The following GLIS3 variants were observed in gnomAD, a reference collection of about 807,000 sequenced individuals.
The protein encoded by GLIS3 is zinc finger protein GLIS3.
In GLIS3, 53 loss-of-function variants were observed where a neutral mutation model predicts 78.6. The ratio of observed to expected loss-of-function variants is 0.67; its 90% confidence interval spans 0.54 to 0.85. GLIS3 has a LOEUF of 0.85. Among genes scored for constraint, GLIS3 ranks in the 40% least tolerant of loss-of-function variants. GLIS3 has a pLI of 0.00. For synonymous variants in GLIS3, 684 were observed against 509.9 expected, an observed-to-expected ratio of 1.34 and a Z score of -4.60; for missense variants, 1,703 against 1,231.1, an observed-to-expected ratio of 1.38 and a Z score of -5.74.
chr9:4,406,624 A>G, the GLIS3 span, among the ~76,000 whole-genome samples: 6 of 152,202 alleles, frequency 3.9e-5, no homozygotes, highest in African/African-American at 1.4e-4. Flanking sequence ...AAAATCAACA[A>G]ACAAAAACCA....
At chr9:4,308,251 G>A (rs1817279396) in intron 4 of GLIS3, among the ~76,000 whole-genome samples, 1 of 152,120 alleles carries the variant, frequency 6.6e-6, no homozygotes, top group Non-Finnish European at 1.5e-5. Flanking sequence ...CCATGAACTG[G>A]AAGGAACAGG....
intron 4 of GLIS3, among the ~76,000 whole-genome samples, chr9:4,061,785 C>T (rs1034780197): frequency 1.3e-5 from 2 of 152,168 alleles, no homozygotes; most frequent in Non-Finnish European, 2.9e-5. Context: ...TTTCTGCAAG[C>T]TTGTACTGCA....
At chr9:3,981,054 C>G (rs1819239292) in intron 4 of GLIS3, among the ~76,000 whole-genome samples, 1 of 152,176 alleles carries the variant, frequency 6.6e-6, no homozygotes, top group African/African-American at 2.4e-5. Flanking sequence ...ACTCGGGCAG[C>G]AGCCAAGAAC....
In GLIS3 at chr9:4,118,080, C is replaced by T. The variant is rs759081727; in HGVS notation, c.1398G>A (p.Ala466=). Residue 466 remains alanine, a synonymous_variant, in exon 4 of 11, where the codon GCG becomes GCA. Transcript: ENST00000381971. This position sits in a 1 kb window ranked among gnomAD's most constrained non-coding sequence, Gnocchi z 4.7. ...GCCCGAGCTCCGGGTGGTGAAGGTG[C>T]GCATGGGCATGGTAAGGGGGTGGGG... The part of the protein sequence containing the change: ...PGPPPPYHAH[A]HLHHPELGPH... 1.3e-6 allele frequency: 2 copies of T among 1,546,312 alleles called. No individual in the cohort carries two copies. Among genetic ancestry groups the T allele is most frequent in the African/African-American group, 1.4e-5 (1 of 72,282 alleles).
chr9:3,920,116 G>A (rs1261269094), intron 6 of GLIS3, among the ~76,000 whole-genome samples: 7 of 146,154 alleles, frequency 4.8e-5, no homozygotes, highest in African/African-American at 1.3e-4. Flanking sequence ...CCATTCTCCC[G>A]CCTCAGCCTC....
chr9:4,178,082 C>T (rs1215025549), intron 2 of GLIS3, among the ~76,000 whole-genome samples: 1 of 152,172 alleles, frequency 6.6e-6, no homozygotes, highest in East Asian at 1.9e-4. Context: ...CCCCACATTT[C>T]AGAACATCTT....
At chr9:4,453,377 A>G in the GLIS3 span, among the ~76,000 whole-genome samples, 15 of 150,560 alleles carry the variant, frequency 1.0e-4, no homozygotes, top group African/African-American at 3.6e-4. Context: ...AAAAACTACC[A>G]TCAGAATGAA....
At chr9:3,852,461 C>G (rs937347336) in intron 9 of GLIS3, among the ~76,000 whole-genome samples, 1 of 152,128 alleles carries the variant, frequency 6.6e-6, no homozygotes, top group Non-Finnish European at 1.5e-5. Context: ...TGACGGTGTT[C>G]CCTGTTACCA....
intron 4 of GLIS3, among the ~76,000 whole-genome samples, chr9:3,996,358 G>A (rs73388239): frequency 7.7e-4 from 118 of 152,292 alleles, no homozygotes; most frequent in African/African-American, 2.7e-3. Flanking sequence ...TATTCACCAT[G>A]AAAATAATAA....
intron 4 of GLIS3, among the ~76,000 whole-genome samples, chr9:4,087,972 C>T (rs1308089259): frequency 6.6e-6 from 1 of 152,186 alleles, no homozygotes; most frequent in Non-Finnish European, 1.5e-5. Context: ...GAACTTTAGA[C>T]TTCCCTAGAC....
At chr9:3,943,981 ACTTCCTGG>A (rs1236219175) in intron 4 of GLIS3, among the ~76,000 whole-genome samples, 2 of 152,202 alleles carry the variant, frequency 1.3e-5, no homozygotes, top group East Asian at 3.8e-4. Flanking sequence ...CATAAATACA[ACTTCCTGG>A]CTTGTTGCGC....
chr9:3,973,201 T>C (rs1563908450), intron 4 of GLIS3, among the ~76,000 whole-genome samples: 1 of 152,170 alleles, frequency 6.6e-6, no homozygotes, highest in Non-Finnish European at 1.5e-5. Flanking sequence ...TGTGATATCC[T>C]CCTGGGATCA....
rs1351775136 is a variant in GLIS3, at chr9:3,826,240, G to C, written c.*2032C>G. On this transcript the variant is annotated 3_prime_UTR_variant, in exon 11 of 11. Transcript: ENST00000381971. ...TCCTTGTAAAGGCTTCCATATTTAA[G>C]TATGAATAGATGGTTTCTCTGAAGA... The C allele has an allele frequency of 6.6e-6, 1 of 152,186 alleles. No homozygotes were observed. The highest frequency in any genetic ancestry group is 1.5e-5 in the Non-Finnish European group (1 of 68,030). 9.4% of individuals were successfully genotyped at this position (152,186 alleles called of 1,614,324 possible). A position where few individuals can be genotyped will look rare whatever the true frequency, so the allele number is the denominator to read the frequency against.
chr9:4,238,095 AG>A (rs1822943578), intron 2 of GLIS3, among the ~76,000 whole-genome samples: 1 of 152,224 alleles, frequency 6.6e-6, no homozygotes, highest in African/African-American at 2.4e-5. Flanking sequence ...GCACAAAGTC[AG>A]GAGTAAGCCT....
the GLIS3 span, among the ~76,000 whole-genome samples, chr9:4,415,777 A>AT: frequency 2.1e-5 from 3 of 144,764 alleles, no homozygotes; most frequent in Non-Finnish European, 4.5e-5. Context: ...TCATATACAT[A>AT]TTTTTTAAAA....
chr9:3,925,650 C>T (rs1406406555), intron 6 of GLIS3, among the ~76,000 whole-genome samples: 1 of 152,078 alleles, frequency 6.6e-6, no homozygotes, highest in Non-Finnish European at 1.5e-5. Context: ...AGACGGAATC[C>T]TCTCCAGGCC....
At chr9:4,477,819 C>A in the GLIS3 span, among the ~76,000 whole-genome samples, 7 of 152,002 alleles carry the variant, frequency 4.6e-5, no homozygotes, top group African/African-American at 1.7e-4. Context: ...TACTTAATGC[C>A]ACCAAACTGT....
chr9:3,916,368 T>A (rs971440382), intron 6 of GLIS3, among the ~76,000 whole-genome samples: 1 of 152,226 alleles, frequency 6.6e-6, no homozygotes, highest in Non-Finnish European at 1.5e-5. Flanking sequence ...TCTCATGTCA[T>A]TACCACAGCC....
At chr9:3,963,854 C>A (rs1303711701) in intron 4 of GLIS3, among the ~76,000 whole-genome samples, 2 of 151,930 alleles carry the variant, frequency 1.3e-5, no homozygotes, top group Non-Finnish European at 2.9e-5. Context: ...TGGCAAGGGC[C>A]TTCCACATCA....
Sources: allele counts gnomAD v4.1 joint callset (sites outside exome capture counted in the v4.1 genomes callset), GRCh38; gene constraint gnomAD v4.1.1; non-coding constraint Gnocchi (gnomAD v3.1); transcripts MANE v1.5; gene names NCBI Gene and HGNC (gene_info 2026-07-23, HGNC 2026-07-21).